NAA16: variants seen among roughly 807,000 people sequenced by gnomAD.
The protein encoded by NAA16 is NARG1-like protein.
A neutral mutation model predicts 110.3 loss-of-function variants in NAA16; 97 were observed. That is an observed-to-expected ratio of 0.88 (90% CI 0.75 to 1.04). NAA16 has a LOEUF of 1.04. Ranked by LOEUF, NAA16 falls within the 50% of genes least tolerant of loss-of-function variation. NAA16 has a pLI of 0.00. For missense variants in NAA16, 1,017 were observed against 1,005.1 expected, an observed-to-expected ratio of 1.01 and a Z score of -0.16; for synonymous variants, 372 against 330.6, an observed-to-expected ratio of 1.13 and a Z score of -1.36.
intron 5 of NAA16, 140 bp from the exon 6 acceptor site, chr13:41,325,558 A>T: frequency 2.3e-6 from 1 of 426,920 alleles, no homozygotes; most frequent in Non-Finnish European, 4.2e-6. Context: ...TTGTGTTATT[A>T]ATCACTCTTC....
At position 41,358,956 on chromosome 13, in the gene NAA16, C is replaced by G; in HGVS notation, c.1404C>G (p.Phe468Leu). ...AAGCAGAGGAAATGTGCTCCAAGTTCACAAGGGTAGGAAATAGCATGCATG... is the reference window on the plus strand; with the variant it reads ...AAGCAGAGGAAATGTGCTCCAAGTTGACAAGGGTAGGAAATAGCATGCATG... The part of the protein sequence containing the change: ...IKEAEEMCSK[F>L]TREGTSAMEN... Residue 468 changes from phenylalanine (F) to leucine (L), a missense_variant, in exon 12 of 20, where the codon TTC becomes TTG. Transcript: ENST00000379406. The G allele has an allele frequency of 6.2e-7, 1 of 1,603,852 alleles. No homozygotes were observed. The highest frequency in any genetic ancestry group is 8.5e-7 in the Non-Finnish European group (1 of 1,173,216).
chr13:41,329,980 C>T (rs2042192026), intron 7 of NAA16, among the ~76,000 whole-genome samples: 1 of 151,614 alleles, frequency 6.6e-6, no homozygotes, highest in Non-Finnish European at 1.5e-5. Context: ...CAACTTGTGA[C>T]TTTAAGTAGG....
intron 10 of NAA16, among the ~76,000 whole-genome samples, chr13:41,355,780 T>C (rs751553945): frequency 1.3e-5 from 2 of 152,192 alleles, no homozygotes; most frequent in African/African-American, 2.4e-5. Flanking sequence ...ATGGCTTGCC[T>C]AAGACCATGT....
chr13:41,362,326 T>A lies in NAA16; in HGVS notation c.1539+167T>A, dbSNP rs1043392282. The A allele has an allele frequency of 9.7e-6, 6 of 620,920 alleles. No individual in the cohort carries two copies. The African/African-American group carries it at 1.1e-4, about 12-fold the overall frequency. 38.5% of individuals were successfully genotyped at this position (620,920 alleles called of 1,614,324 possible). On this transcript the variant is annotated intron_variant, in intron 13 of 19. Transcript: ENST00000379406. The stretch of plus-strand genomic sequence containing the variant: ...CAGAAGTTGTAAACAATGGATTGCT[T>A]TACTGATCCTCAAGTGATTATGCTT...
chr13:41,324,035 C>A (rs2042019694), intron 5 of NAA16, among the ~76,000 whole-genome samples: 1 of 152,126 alleles, frequency 6.6e-6, no homozygotes, highest in South Asian at 2.1e-4. Context: ...ACTTACTCCT[C>A]CTTTGCATTC....
intron 1 of NAA16, among the ~76,000 whole-genome samples, chr13:41,315,165 G>A (rs145950954): frequency 1.2e-3 from 179 of 152,292 alleles, no homozygotes; most frequent in Non-Finnish European, 1.8e-3. Flanking sequence ...GAGGATGGGA[G>A]TATTTGATAA....
chr13:41,349,889 AG>A (rs2042781015), intron 9 of NAA16, among the ~76,000 whole-genome samples: 1 of 149,218 alleles, frequency 6.7e-6, no homozygotes, highest in Admixed American at 6.8e-5. Flanking sequence ...TGAACCCGGG[AG>A]GGGGCAGTTG....
rs1284695508 is a variant in NAA16 at position 41,376,605 on chromosome 13, T to A, written c.*1003T>A. 1.3e-5 allele frequency: 2 copies of A among 152,226 alleles called. No homozygotes were observed. The highest frequency in any genetic ancestry group is 2.9e-5 in the Non-Finnish European group (2 of 68,032). The allele number at this position is 152,226 out of a possible 1,614,324, so 9.4% of individuals were successfully genotyped here. Reference sequence around the variant, plus strand: ...TTAACAAGTAGCTTATACTGAGGTGTGCTTCAAGGGAGCATTATAGGGCAG... The same window carrying A: ...TTAACAAGTAGCTTATACTGAGGTGAGCTTCAAGGGAGCATTATAGGGCAG... On this transcript the variant is annotated 3_prime_UTR_variant, in exon 20 of 20. Coordinates refer to ENST00000379406, the MANE Select transcript of NAA16 (RefSeq NM_024561.5).
chr13:41,357,277 T>A (rs2043010996), intron 10 of NAA16, among the ~76,000 whole-genome samples: 2 of 152,234 alleles, frequency 1.3e-5, no homozygotes, highest in African/African-American at 4.8e-5. Flanking sequence ...GTTATGATCA[T>A]GCCACTGCAC....
Position 41,375,451 on chromosome 13 carries a change from A to G in NAA16, c.2444A>G (p.Asn815Ser), listed in dbSNP as rs2043410539. Residue 815 changes from asparagine (N) to serine (S), a missense_variant, in exon 20 of 20, where the codon AAC becomes AGC. By Grantham distance (46) the Asn-to-Ser change is conservative. Coordinates refer to ENST00000379406, the MANE Select transcript of NAA16 (RefSeq NM_024561.5). ...GCACTGCTTGATGGCAGCTTTGGGA[A>G]CTGTAGTTCCCAATATGAAGAATAT... Reference protein sequence around the residue: ...SEALLDGSFGNCSSQYEEYRM... With the variant: ...SEALLDGSFGSCSSQYEEYRM... 2 of 1,614,012 alleles carry G rather than the reference A, an allele frequency of 1.2e-6. No homozygotes were observed. The highest frequency in any genetic ancestry group is 1.1e-5 in the South Asian group (1 of 91,068).
At chr13:41,311,687 T>A in intron 1 of NAA16, 105 bp downstream of exon 1, 1 of 1,023,526 alleles carries the variant, frequency 9.8e-7, no homozygotes. Context: ...TGGCCTCCGC[T>A]GCCCACCGCT....
At chr13:41,362,496 G>A in intron 13 of NAA16, 1 of 352,548 alleles carries the variant, frequency 2.8e-6, no homozygotes, top group South Asian at 2.4e-5. Context: ...ACAGCTGATG[G>A]CAACCTCTTT....
chr13:41,362,157 A>G lies in NAA16; in HGVS notation c.1537A>G (p.Arg513Gly), dbSNP rs757408132. The part of the protein sequence containing the change: ...DALKKCHEVE[R>G]HFFEITDDQF... ...CTTGAAAAAATGTCATGAAGTAGAAAGGGTAAGTTGTTAGAATTTCGACTT... is the reference window on the plus strand; with the variant it reads ...CTTGAAAAAATGTCATGAAGTAGAAGGGGTAAGTTGTTAGAATTTCGACTT... The change falls in exon 13 of 20, where the codon AGG becomes GGG. Residue 513 changes from arginine (R) to glycine (G), a missense_variant and splice_region_variant. Physicochemically the swap from Arg to Gly is moderately radical, Grantham distance 125 (BLOSUM62 -2). Coordinates refer to ENST00000379406, the MANE Select transcript of NAA16 (RefSeq NM_024561.5). 1 of 1,598,236 alleles carries G rather than the reference A, an allele frequency of 6.3e-7. No individual in the cohort carries two copies.
At chr13:41,339,005 T>A (rs2042456619) in intron 9 of NAA16, among the ~76,000 whole-genome samples, 1 of 152,242 alleles carries the variant, frequency 6.6e-6, no homozygotes, top group Non-Finnish European at 1.5e-5. Flanking sequence ...CAAACAGCTA[T>A]TGTTTGTAAG....
In NAA16 at chr13:41,372,847, AC is replaced by A; in HGVS notation, c.2155+19del. ...CTAAATCTGGTAAGTATAAAAAAGG[AC>A]CATATTTACATTTGTGAATTATTTC... On this transcript the variant is annotated intron_variant, in intron 17 of 19. Transcript: ENST00000379406. 1 of 1,510,014 alleles carries A rather than the reference AC, an allele frequency of 6.6e-7. No homozygotes were observed. The highest frequency in any genetic ancestry group is 8.9e-7 in the Non-Finnish European group (1 of 1,120,646). 93.5% of individuals were successfully genotyped at this position (1,510,014 alleles called of 1,614,324 possible).
intron 13 of NAA16, among the ~76,000 whole-genome samples, chr13:41,365,322 A>G (rs911112601): frequency 5.3e-5 from 8 of 152,178 alleles, no homozygotes; most frequent in African/African-American, 1.4e-4. Context: ...ACATTGTACC[A>G]ATGTCAGTTT....
chr13:41,372,554 C>T (rs1037862887), intron 16 of NAA16, 178 bp from the exon 17 acceptor site: 1 of 985,306 alleles, frequency 1.0e-6, no homozygotes, highest in Non-Finnish European at 1.2e-6. Context: ...TATGATTTTT[C>T]AAGCTTTTCT....
intron 15 of NAA16, among the ~76,000 whole-genome samples, chr13:41,371,415 T>G (rs1268086892): frequency 6.6e-6 from 1 of 152,172 alleles, no homozygotes; most frequent in Non-Finnish European, 1.5e-5. Flanking sequence ...TACATAAAGT[T>G]AGATGGAATG....
Position 41,331,339 on chromosome 13 carries a change from C to G in NAA16, c.877C>G (p.Pro293Ala), listed in dbSNP as rs1171196046. Residue 293 changes from proline (P) to alanine (A), a missense_variant, in exon 8 of 20, where the codon CCC (proline) becomes GCC (alanine). Physicochemically the swap from Pro to Ala is conservative, Grantham distance 27. Transcript: ENST00000379406. Reference protein sequence around the residue: ...ISKQHPKAITPRRLPLTLVPG... With the variant: ...ISKQHPKAITARRLPLTLVPG... Reference sequence around the variant, plus strand: ...TAAGCAGCACCCCAAAGCAATTACACCCAGAAGATTACCTTTGACTCTTGT... The same window carrying G: ...TAAGCAGCACCCCAAAGCAATTACAGCCAGAAGATTACCTTTGACTCTTGT... The G allele has an allele frequency of 6.2e-7, 1 of 1,608,336 alleles. No individual in the cohort carries two copies.
Sources: allele counts gnomAD v4.1 joint callset (sites outside exome capture counted in the v4.1 genomes callset), GRCh38; gene constraint gnomAD v4.1.1; transcripts MANE v1.5; gene names NCBI Gene and HGNC (gene_info 2026-07-23, HGNC 2026-07-21).